Variants in CROCC observed in about 807,000 individuals in gnomAD.
CROCC encodes rootletin.
CROCC carries 180 observed loss-of-function variants against 245.2 expected under a neutral mutation model. The observed-to-expected ratio is 0.73, with a 90% CI of 0.65 to 0.83. The LOEUF (loss-of-function observed/expected upper bound fraction) is 0.83, where lower values mean the gene tolerates loss of function less well. CROCC is among the 40% of genes least tolerant of loss of function. The pLI is 0.00. For synonymous variants in CROCC, 1,205 were observed against 1,241.6 expected, an observed-to-expected ratio of 0.97 and a Z score of 0.62; for missense variants, 2,688 against 2,779.4, an observed-to-expected ratio of 0.97 and a Z score of 0.74.
chr1:16,961,072 G>A lies in CROCC; in HGVS notation c.4347G>A (p.Ala1449=), dbSNP rs2076324268. 1.5e-6 allele frequency: 2 copies of A among 1,347,070 alleles called. No individual in the cohort carries two copies. Among genetic ancestry groups the A allele is most frequent in the Non-Finnish European group, 1.9e-6 (2 of 1,053,178 alleles). 83.4% of individuals were successfully genotyped at this position (1,347,070 alleles called of 1,614,324 possible). A position where few individuals can be genotyped will look rare whatever the true frequency, so the allele number is the denominator to read the frequency against. The change falls in exon 27 of 37, where the codon GCG becomes GCA. Residue 1449 remains alanine, a synonymous_variant. Coordinates refer to ENST00000375541, the MANE Select transcript of CROCC (RefSeq NM_014675.5). ...GCCGGGGCCTCGGCCTCGGTCGCGC[G>A]CCCAGCCCAGCCCCGCGGCCAGTGC... ...ALRRGLGLGR[A]PSPAPRPVPG... is the part of the protein sequence containing the mutation.
In CROCC at chr1:16,939,975, C is replaced by G; in HGVS notation, c.1690C>G (p.Arg564Gly). 6.2e-7 allele frequency: 1 copy of G among 1,612,564 alleles called. No homozygotes were observed. Among genetic ancestry groups the G allele is most frequent in the Middle Eastern group, 1.9e-4 (1 of 5,354 alleles). The change falls in exon 13 of 37, where the codon CGG (arginine) becomes GGG (glycine). Residue 564 changes from arginine to glycine, a missense_variant. Coordinates refer to ENST00000375541, the MANE Select transcript of CROCC (RefSeq NM_014675.5). ...GCTTAGCGACAGCGAGAGCGAGCGG[C>G]GGGCCCTAGAGGAACAGCTGCAGCG... ...KQLSDSESER[R>G]ALEEQLQRLR...
At chr1:16,948,573 C>T (rs1172848080) in intron 18 of CROCC, 49 bp downstream of exon 18, 5 of 1,483,666 alleles carry the variant, frequency 3.4e-6, no homozygotes, top group East Asian at 4.9e-5. Context: ...CCTCCTGGGG[C>T]CACACCATGA....
chr1:16,958,865 C>G, intron 26 of CROCC, 115 bp downstream of exon 26: 3 of 1,205,516 alleles, frequency 2.5e-6, no homozygotes, highest in Non-Finnish European at 3.4e-6. Flanking sequence ...TGCTCCTTCC[C>G]CCACTCCTTG....
chr1:16,966,247 C>T lies in CROCC; in HGVS notation c.4696+128C>T. ...TGACTCGGGGCTGTCTCCAAGAGGA[C>T]CCTCCTTGGACAGCCTCACCTGTGT... On this transcript the variant is annotated intron_variant, in intron 29 of 36. Coordinates refer to ENST00000375541, the MANE Select transcript of CROCC (RefSeq NM_014675.5). This position sits in a 1 kb window ranked among gnomAD's most constrained non-coding sequence, Gnocchi z 4.8. 2 of 1,451,198 alleles carry T rather than the reference C, an allele frequency of 1.4e-6. No individual in the cohort carries two copies. Among genetic ancestry groups the T allele is most frequent in the Middle Eastern group, 2.0e-4 (1 of 4,898 alleles). The allele number at this position is 1,451,198 out of a possible 1,614,324, so 89.9% of individuals were successfully genotyped here.
intron 33 of CROCC, among the ~76,000 whole-genome samples, 155 bp downstream of exon 33, chr1:16,970,089 G>A (rs1218243369): frequency 6.6e-6 from 1 of 152,216 alleles, no homozygotes; most frequent in Non-Finnish European, 1.5e-5. Flanking sequence ...TTATACAGAT[G>A]GAGAAACAGA....
At position 16,951,196 on chromosome 1, in the gene CROCC, T is replaced by C. The variant is rs954047427; in HGVS notation, c.3006+74T>C. The C allele has an allele frequency of 7.7e-6, 10 of 1,294,204 alleles. No individual in the cohort carries two copies. In the African/African-American group the frequency reaches 1.4e-4, roughly 18 times the overall value. The allele number at this position is 1,294,204 out of a possible 1,614,324, so 80.2% of individuals were successfully genotyped here. A position where few individuals can be genotyped will look rare whatever the true frequency, so the allele number is the denominator to read the frequency against. On this transcript the variant is annotated intron_variant, in intron 20 of 36. Coordinates refer to ENST00000375541, the MANE Select transcript of CROCC (RefSeq NM_014675.5). Reference sequence around the variant, plus strand: ...TCATCGTTCTTGCTCTGCCTCGGTCTCTACATCTGTGAAATGGGACTTCCT... The same window carrying C: ...TCATCGTTCTTGCTCTGCCTCGGTCCCTACATCTGTGAAATGGGACTTCCT...
chr1:16,919,845 G>T (rs2075366467), upstream of CROCC, among the ~76,000 whole-genome samples: 1 of 152,260 alleles, frequency 6.6e-6, no homozygotes, highest in African/African-American at 2.4e-5. Flanking sequence ...CTCCCAAAGT[G>T]CTGGGATTAT....
At chr1:16,936,560 C>G in intron 8 of CROCC, 77 bp from the exon 9 acceptor site, 1 of 1,400,798 alleles carries the variant, frequency 7.1e-7, no homozygotes, top group Admixed American at 2.5e-5. Flanking sequence ...TGAGCCACCA[C>G]GCCCTGCCCA....
At chr1:16,930,055 C>T (rs765000550) in intron 4 of CROCC, 24 bp downstream of exon 4, 21 of 1,566,430 alleles carry the variant, frequency 1.3e-5, no homozygotes, top group South Asian at 5.9e-5. Flanking sequence ...ACTCCTGCTC[C>T]TGTCCTCCCA....
At chr1:16,935,869 A>G (rs1347171976) in intron 8 of CROCC, among the ~76,000 whole-genome samples, 1 of 152,268 alleles carries the variant, frequency 6.6e-6, no homozygotes, top group Non-Finnish European at 1.5e-5. Flanking sequence ...CTTGTCCACA[A>G]GCCATCTCCT....
chr1:16,952,344 G>A (rs1444552505), intron 20 of CROCC, among the ~76,000 whole-genome samples: 1 of 151,960 alleles, frequency 6.6e-6, no homozygotes, highest in Admixed American at 6.5e-5. Flanking sequence ...AATTAGCTGG[G>A]CGTGGTGGCA....
intron 8 of CROCC, among the ~76,000 whole-genome samples, chr1:16,932,030 G>A (rs994760177): frequency 1.3e-5 from 2 of 152,110 alleles, no homozygotes; most frequent in African/African-American, 4.8e-5. Context: ...GCCTCCCAAA[G>A]TGCTGGGATT....
Position 16,924,259 on chromosome 1 carries a change from C to A in CROCC, c.197-66C>A. The A allele has an allele frequency of 6.3e-6, 10 of 1,575,322 alleles. No homozygotes were observed. In the South Asian group the frequency reaches 1.1e-4, roughly 18 times the overall value. On this transcript the variant is annotated intron_variant, in intron 2 of 36. Coordinates refer to ENST00000375541, the MANE Select transcript of CROCC (RefSeq NM_014675.5). ...GGGGCCTGGATGGTTTTCTTGCCCT[C>A]CCTGTTGGGGGGAGGATGTCCCACT...
At position 16,937,745 on chromosome 1, in the gene CROCC, G is replaced by T. The variant is rs368236716; in HGVS notation, c.1290+8G>T. On this transcript the variant is annotated splice_region_variant and intron_variant, in intron 10 of 36. Transcript: ENST00000375541. Reference sequence around the variant, plus strand: ...GAGAAGCTTGAGGCCCTGGTGAGCTGCAGGTGCCCCTGAGATGGGGCAGGG... The same window carrying T: ...GAGAAGCTTGAGGCCCTGGTGAGCTTCAGGTGCCCCTGAGATGGGGCAGGG... 2.9e-4 allele frequency: 464 copies of T among 1,604,312 alleles called. No individual in the cohort carries two copies. Among genetic ancestry groups the T allele is most frequent in the African/African-American group, 5.7e-4 (43 of 74,878 alleles).
intron 11 of CROCC, among the ~76,000 whole-genome samples, chr1:16,938,687 G>T (rs1179415921): frequency 6.6e-6 from 1 of 152,304 alleles, no homozygotes; most frequent in African/African-American, 2.4e-5. Flanking sequence ...CCCTTTGGGA[G>T]CCCACCTGTG....
At chr1:16,969,981 T>C (rs369632209) in intron 33 of CROCC, 47 bp downstream of exon 33, 2 of 1,528,360 alleles carry the variant, frequency 1.3e-6, no homozygotes, top group African/African-American at 1.4e-5. Flanking sequence ...TGTGAGGCCC[T>C]AGGATAGGGT....
At chr1:16,934,391 C>A (rs1478894415) in intron 8 of CROCC, among the ~76,000 whole-genome samples, 11 of 152,252 alleles carry the variant, frequency 7.2e-5, no homozygotes, top group Admixed American at 5.2e-4. Flanking sequence ...GCTTGACCTC[C>A]CAGGCTCAAG....
chr1:16,964,044 C>A (rs890798715), intron 27 of CROCC, among the ~76,000 whole-genome samples: 1 of 152,032 alleles, frequency 6.6e-6, no homozygotes, highest in South Asian at 2.1e-4. Flanking sequence ...GTGATCTGCC[C>A]GCCTCGGCCT....
intron 12 of CROCC, 38 bp downstream of exon 12, chr1:16,939,180 G>A (rs1437486714): frequency 7.1e-7 from 1 of 1,401,094 alleles, no homozygotes; most frequent in African/African-American, 1.5e-5. Context: ...GCAGCCAGAG[G>A]CCTGGGGGAG....
Sources: gnomAD v4.1 joint callset for allele counts (sites outside exome capture counted in the v4.1 genomes callset) on GRCh38, gnomAD v4.1.1 for gene constraint, Gnocchi (gnomAD v3.1) non-coding constraint, MANE v1.5 for transcripts, NCBI Gene and HGNC (gene_info 2026-07-23, HGNC 2026-07-21) for gene names.